USP18: variants seen among roughly 807,000 people sequenced by gnomAD.
USP18 encodes ubiquitin specific peptidase 18.
In USP18, 11 loss-of-function variants were observed where a neutral mutation model predicts 48.7. The ratio of observed to expected loss-of-function variants is 0.23; its 90% confidence interval spans 0.14 to 0.37. The LOEUF is 0.37. USP18 is among the 10% of genes least tolerant of loss of function. The pLI is 1.00. For synonymous variants in USP18, 114 were observed against 163.2 expected, an observed-to-expected ratio of 0.70 and a Z score of 2.30; for missense variants, 285 against 436.4, an observed-to-expected ratio of 0.65 and a Z score of 3.09.
intron 1 of USP18, among the ~76,000 whole-genome samples, chr22:18,155,826 T>TCCACGCCG: frequency 6.6e-6 from 1 of 152,324 alleles, no homozygotes; most frequent in Non-Finnish European, 1.5e-5. Flanking sequence ...CGCTCCCGGC[T>TCCACGCCG]CCACGCCGCC....
rs1929724907 is a variant in USP18, at chr22:18,174,420, C to T, written c.1073+578C>T. On this transcript the variant is annotated intron_variant, in intron 10 of 10. Transcript: ENST00000215794. ...TTGTTTTTTGTATTTTTAGTAGAGA[C>T]GGTGTTTCACCATGTTGGCCAGGAT... 4.0e-5 allele frequency among the ~76,000 whole-genome samples: 6 copies of T among 151,640 alleles called. No individual in the cohort carries two copies. In the South Asian group the frequency reaches 1.0e-3, roughly 26 times the overall value.
intron 1 of USP18, among the ~76,000 whole-genome samples, 183 bp from the exon 2 acceptor site, chr22:18,157,375 A>G (rs1442881628): frequency 1.3e-5 from 2 of 152,174 alleles, no homozygotes; most frequent in Non-Finnish European, 2.9e-5. Flanking sequence ...GATGAATGGA[A>G]ACGCCTGGGA....
At chr22:18,155,323 T>G (rs1929098374) in intron 1 of USP18, among the ~76,000 whole-genome samples, 1 of 152,180 alleles carries the variant, frequency 6.6e-6, no homozygotes, top group African/African-American at 2.4e-5. Context: ...TGGGTTTTAC[T>G]GTAGTGAGCC....
At chr22:18,155,125 G>A (rs111501437) in intron 1 of USP18, among the ~76,000 whole-genome samples, 1,577 of 152,376 alleles carry the variant, frequency 0.01, 26 homozygotes, top group African/African-American at 0.036. Context: ...ACCCACAGCT[G>A]TGATGGCGTG....
intron 1 of USP18, among the ~76,000 whole-genome samples, chr22:18,156,392 T>C (rs975110606): frequency 2.0e-5 from 3 of 152,166 alleles, no homozygotes; most frequent in African/African-American, 7.2e-5. Flanking sequence ...TGTGGAAGCT[T>C]TGTTGTTTCA....
chr22:18,171,093 C>T (rs2123740848), intron 8 of USP18, among the ~76,000 whole-genome samples, 173 bp downstream of exon 8: 1 of 36,614 alleles, frequency 2.7e-5, no homozygotes, highest in South Asian at 7.6e-4. Flanking sequence ...ATATGCCTCA[C>T]AGCACTGAGG....
intron 1 of USP18, among the ~76,000 whole-genome samples, chr22:18,156,888 A>C (rs1208922820): frequency 6.6e-6 from 1 of 152,200 alleles, no homozygotes; most frequent in Non-Finnish European, 1.5e-5. Context: ...TTCCAAGGCG[A>C]AGTACTCCAC....
chr22:18,151,104 C>G (rs5993017), intron 1 of USP18, among the ~76,000 whole-genome samples: 60,169 of 151,618 alleles, frequency 0.4, 12,989 homozygotes, highest in African/African-American at 0.56. Flanking sequence ...GTGGAAAATT[C>G]CTAGAAGTGG....
At chr22:18,171,832 A>G (rs994879535) in intron 8 of USP18, among the ~76,000 whole-genome samples, 4 of 152,274 alleles carry the variant, frequency 2.6e-5, no homozygotes, top group Non-Finnish European at 4.4e-5. Context: ...ATATGTTACA[A>G]TAGCTCCTAT....
chr22:18,167,196 G>A lies in USP18; in HGVS notation c.401-59G>A, dbSNP rs992367721. 22 of 1,600,366 alleles carry A rather than the reference G, an allele frequency of 1.4e-5. No homozygotes were observed. The African/African-American group carries it at 2.3e-4, about 17-fold the overall frequency. On this transcript the variant is annotated intron_variant, in intron 4 of 10. Coordinates refer to ENST00000215794, the MANE Select transcript of USP18 (RefSeq NM_017414.4). ...GTGTTCATGTGTGTCTAAGTACCAG[G>A]GCATGAGAAGCGACTCTGAAGACCT...
intron 4 of USP18, among the ~76,000 whole-genome samples, chr22:18,162,791 G>C (rs541621747): frequency 1.3e-5 from 2 of 152,120 alleles, no homozygotes; most frequent in Admixed American, 6.5e-5. Context: ...GCATGCTATG[G>C]CCACTGTGCT....
chr22:18,156,793 G>A (rs2543714), intron 1 of USP18, among the ~76,000 whole-genome samples: 20,028 of 152,220 alleles, frequency 0.13, 2,607 homozygotes, highest in East Asian at 0.62. Flanking sequence ...CCCCCTTTAA[G>A]AACTGTAACA....
Position 18,172,802 on chromosome 22 carries a change from GT to G in USP18, c.892-347del, listed in dbSNP as rs533358551. On this transcript the variant is annotated intron_variant, in intron 8 of 10. Transcript: ENST00000215794. ...CAAAAGACTTTTTTGGCTGGGTACGGTGGCTCAGGTTAGGGTCATTCCTGGG... is the reference window on the plus strand; with the variant it reads ...CAAAAGACTTTTTTGGCTGGGTACGGGGCTCAGGTTAGGGTCATTCCTGGG... Among the ~76,000 whole-genome samples the G allele has an allele frequency of 8.1e-3, 1,217 of 149,988 alleles. 6 individuals carry two copies. Among genetic ancestry groups the G allele is most frequent in the Middle Eastern group, 0.032 (9 of 280 alleles).
At chr22:18,151,271 C>A (rs2123723405) in intron 1 of USP18, among the ~76,000 whole-genome samples, 1 of 152,246 alleles carries the variant, frequency 6.6e-6, no homozygotes, top group South Asian at 2.1e-4. Flanking sequence ...CATTTTGAGA[C>A]CCCTGAAAAT....
At position 18,167,993 on chromosome 22, in the gene USP18, C is replaced by T; in HGVS notation, c.584C>T (p.Pro195Leu). 1 of 1,614,162 alleles carries T rather than the reference C, an allele frequency of 6.2e-7. No homozygotes were observed. The highest frequency in any genetic ancestry group is 8.5e-7 in the Non-Finnish European group (1 of 1,180,042). The change falls in exon 6 of 11, where the codon CCA becomes CTA. Residue 195 changes from proline (P) to leucine (L), a missense_variant. Around this residue, in one of 5 missense-constraint regions of USP18, gnomAD observed 199 missense variants for 239.6 expected, o/e 0.83. Transcript: ENST00000215794. ...AGAAACAGCAGCATGCTCACCCTCC[C>T]ACTTTCTCTTTTTGATGTGGACTCA... ...SSRNSSMLTL[P>L]LSLFDVDSKP...
intron 4 of USP18, 26 bp from the exon 5 acceptor site, chr22:18,167,229 T>C (rs376862445): frequency 6.8e-6 from 11 of 1,612,512 alleles, no homozygotes; most frequent in Non-Finnish European, 9.3e-6. Context: ...CCTCACTAAT[T>C]GGCTGTTCCT....
rs560990798 is a variant in USP18 at position 18,172,906 on chromosome 22, G to A, written c.892-244G>A. 1.8e-3 allele frequency among the ~76,000 whole-genome samples: 266 copies of A among 146,288 alleles called. 2 individuals carry two copies. The highest frequency in any genetic ancestry group is 6.3e-3 in the African/African-American group (249 of 39,370). ...AGTTCTAATCTTGCCTTGGCTTTGG[G>A]GGCCTCTCTCATGACCTGCCTTCCA... On this transcript the variant is annotated intron_variant, in intron 8 of 10. Coordinates refer to ENST00000215794, the MANE Select transcript of USP18 (RefSeq NM_017414.4).
intron 1 of USP18, among the ~76,000 whole-genome samples, chr22:18,156,269 A>C (rs912246517): frequency 6.6e-6 from 1 of 152,184 alleles, no homozygotes; most frequent in African/African-American, 2.4e-5. Context: ...AAACAGACCA[A>C]TTGGCTGTCT....
chr22:18,173,839 A>G lies in USP18; in HGVS notation c.1070A>G (p.His357Arg), dbSNP rs760928324. ...IQCTYGNPNY[H>R]WQETAYLLVY... ...TGTACCTACGGAAATCCTAACTACC[A>G]CTGGTAAGAAACAGATTTGGGTAAT... is the stretch of plus-strand genomic sequence containing the variant. Residue 357 changes from histidine to arginine, a missense_variant, in exon 10 of 11, where the codon CAC (histidine) becomes CGC (arginine). By Grantham distance (29) the His-to-Arg change is conservative. Transcript: ENST00000215794. 6 of 1,600,756 alleles carry G rather than the reference A, an allele frequency of 3.7e-6. No individual in the cohort carries two copies. The highest frequency in any genetic ancestry group is 4.3e-6 in the Non-Finnish European group (5 of 1,169,872).
Sources: allele counts gnomAD v4.1 joint callset (sites outside exome capture counted in the v4.1 genomes callset), GRCh38; gene constraint gnomAD v4.1.1; regional missense constraint gnomAD v4.1.1; transcripts MANE v1.5; gene names NCBI Gene and HGNC (gene_info 2026-07-23, HGNC 2026-07-21).